ITSN1: variants seen among roughly 807,000 people sequenced by gnomAD.
ITSN1 encodes the protein intersectin 1.
Under a neutral mutation model 239.8 loss-of-function variants are expected in ITSN1, and 58 were observed. That is an observed-to-expected ratio of 0.24 (90% confidence interval 0.20 to 0.30). The LOEUF is 0.30. ITSN1 is among the 10% of genes least tolerant of loss of function. The probability of loss-of-function intolerance (pLI) is 1.00; values close to 1 mark genes in which losing one functional copy is unlikely to be tolerated. For synonymous variants in ITSN1, 780 were observed against 770.8 expected (o/e 1.01, Z -0.20); for missense variants, 1,558 against 2,103.3 (o/e 0.74, Z 5.07).
chr21:33,851,749 GT>G (rs1208835777), intron 29 of ITSN1, among the ~76,000 whole-genome samples: 2 of 93,270 alleles, frequency 2.1e-5, no homozygotes, highest in African/African-American at 4.1e-5. Flanking sequence ...TTTTTTTCTC[GT>G]TTTTTTTCTT....
At chr21:33,651,324 A>G (rs2088511816) in intron 1 of ITSN1, among the ~76,000 whole-genome samples, 1 of 152,180 alleles carries the variant, frequency 6.6e-6, no homozygotes, top group African/African-American at 2.4e-5. Flanking sequence ...TCTCCTTCTG[A>G]GTATCATGTG....
In ITSN1 at chr21:33,779,157, G is replaced by A. The variant is rs187258231; in HGVS notation, c.1597-2304G>A. Among the ~76,000 whole-genome samples the A allele has an allele frequency of 8.3e-4, 122 of 146,228 alleles. 1 individual carries two copies. Among genetic ancestry groups the A allele is most frequent in the Admixed American group, 7.4e-3 (109 of 14,804 alleles). Reference sequence around the variant, plus strand: ...CCTTGGCTTTATTGATTTTCTCTGTGGTATGTCTGTTTTCTGCTTTATTTT... The same window carrying A: ...CCTTGGCTTTATTGATTTTCTCTGTAGTATGTCTGTTTTCTGCTTTATTTT... On this transcript the variant is annotated intron_variant, in intron 14 of 39. Transcript: ENST00000381318.
chr21:33,850,054 A>G (rs2075109514), intron 29 of ITSN1, among the ~76,000 whole-genome samples: 1 of 152,222 alleles, frequency 6.6e-6, no homozygotes, highest in East Asian at 1.9e-4. Flanking sequence ...AGTGCCCATT[A>G]TGAAGCTATG....
chr21:33,693,822 TTA>T (rs1198055944), intron 1 of ITSN1, among the ~76,000 whole-genome samples: 1 of 152,212 alleles, frequency 6.6e-6, no homozygotes, highest in Non-Finnish European at 1.5e-5. Context: ...GGGCACAGGG[TTA>T]TCTTATCTGA....
intron 24 of ITSN1, among the ~76,000 whole-genome samples, chr21:33,819,989 A>C (rs917733243): frequency 5.3e-5 from 8 of 152,176 alleles, no homozygotes; most frequent in Non-Finnish European, 1.2e-4. Flanking sequence ...ACTCCGTCTC[A>C]AAAAAATAAA....
intron 27 of ITSN1, 61 bp from the exon 28 acceptor site, chr21:33,834,246 G>A: frequency 1.7e-6 from 2 of 1,182,792 alleles, no homozygotes; most frequent in Admixed American, 1.7e-5. Context: ...CTGTTATAAA[G>A]TGAGCTGTAT....
intron 4 of ITSN1, among the ~76,000 whole-genome samples, chr21:33,726,673 C>T (rs1569033887): frequency 6.6e-6 from 1 of 151,988 alleles, no homozygotes; most frequent in Non-Finnish European, 1.5e-5. Context: ...AGGCATACAC[C>T]ACCATGCCTG....
At chr21:33,802,776 A>C (rs1483303769) in intron 20 of ITSN1, among the ~76,000 whole-genome samples, 1 of 152,248 alleles carries the variant, frequency 6.6e-6, no homozygotes, top group African/African-American at 2.4e-5. Flanking sequence ...TTCTGGGAAA[A>C]AAATTTTTTT....
chr21:33,837,751 A>G (rs1602542466), intron 29 of ITSN1: 1 of 985,746 alleles, frequency 1.0e-6, no homozygotes, highest in East Asian at 1.1e-4. Flanking sequence ...TTGCACAGTG[A>G]CCTTGTAGCC....
rs573014879 is a variant in ITSN1, at chr21:33,885,497, C to T, written c.4818C>T (p.Ile1606=). ...TGATGGTGAACGTGGTTGAAGGCAT[C>T]GAGTTGAAACCCTGTCGGTCACATG... ...GRLMVNVVEG[I]ELKPCRSHGK... Residue 1606 remains isoleucine, a synonymous_variant, in exon 38 of 40, where the codon ATC becomes ATT. Coordinates refer to ENST00000381318, the MANE Select transcript of ITSN1 (RefSeq NM_003024.3). The T allele has an allele frequency of 2.4e-5, 38 of 1,614,072 alleles. No homozygotes were observed. The East Asian group carries it at 5.6e-4, about 24-fold the overall frequency.
intron 1 of ITSN1, among the ~76,000 whole-genome samples, chr21:33,659,356 C>G (rs1229844039): frequency 1.3e-4 from 20 of 152,050 alleles, no homozygotes; most frequent in Admixed American, 1.3e-3. Flanking sequence ...GTGAGTTGTT[C>G]TAGTCAATTA....
intron 1 of ITSN1, among the ~76,000 whole-genome samples, chr21:33,708,450 G>A (rs149307759): frequency 1.6e-3 from 243 of 151,800 alleles, no homozygotes; most frequent in African/African-American, 5.7e-3. Context: ...GTGCAATGGC[G>A]CGATCTCGGC....
chr21:33,840,838 A>G (rs1227880039), intron 29 of ITSN1, among the ~76,000 whole-genome samples: 1 of 152,202 alleles, frequency 6.6e-6, no homozygotes, highest in Non-Finnish European at 1.5e-5. Flanking sequence ...AAATCATTTA[A>G]TTTCATATTG....
intron 1 of ITSN1, among the ~76,000 whole-genome samples, chr21:33,696,152 GT>G (rs1231311752): frequency 6.6e-6 from 1 of 152,204 alleles, no homozygotes; most frequent in Non-Finnish European, 1.5e-5. Context: ...GTGATACCCA[GT>G]GACTTTTCAT....
At chr21:33,732,647 T>C (rs1386477051) in intron 4 of ITSN1, among the ~76,000 whole-genome samples, 1 of 152,212 alleles carries the variant, frequency 6.6e-6, no homozygotes, top group Non-Finnish European at 1.5e-5. Context: ...ATGCTCATTT[T>C]TTTCTAGTTA....
At chr21:33,666,901 A>G (rs970084118) in intron 1 of ITSN1, among the ~76,000 whole-genome samples, 6 of 152,162 alleles carry the variant, frequency 3.9e-5, no homozygotes, top group African/African-American at 1.4e-4. Context: ...TCTGGGCACA[A>G]GTGATCCTCC....
rs772777126 is a variant in ITSN1 at position 33,888,153 on chromosome 21, T to C, written c.5019T>C (p.Asp1673=). The change falls in exon 40 of 40, where the codon GAT becomes GAC. Residue 1673 remains aspartate, a splice_region_variant and synonymous_variant. Transcript: ENST00000381318. ...VFERDQFSPD[D]FLGRTEIRVA... ...AGGGTCTGTTTGTTCTCTTTTCAGA[T>C]TTTTTGGGTCGGACGGAGATCCGTG... 1 of 1,613,752 alleles carries C rather than the reference T, an allele frequency of 6.2e-7. No homozygotes were observed. Among genetic ancestry groups the C allele is most frequent in the Non-Finnish European group, 8.5e-7 (1 of 1,179,778 alleles).
rs530455353 is a variant in ITSN1, at chr21:33,735,011, C to T, written c.186-33C>T. On this transcript the variant is annotated intron_variant, in intron 4 of 39. Coordinates refer to ENST00000381318, the MANE Select transcript of ITSN1 (RefSeq NM_003024.3). ...TTTTGGAAAGGTTCTTTTATGGTCA[C>T]AGTTGTTCTCAGGCCATGCTGTTGG... The T allele has an allele frequency of 7.2e-5, 114 of 1,580,696 alleles. 1 individual carries two copies. The East Asian group carries it at 2.4e-3, about 34-fold the overall frequency.
intron 24 of ITSN1, among the ~76,000 whole-genome samples, 177 bp from the exon 25 acceptor site, chr21:33,823,310 A>G (rs1183207503): frequency 6.6e-6 from 1 of 152,168 alleles, no homozygotes; most frequent in Non-Finnish European, 1.5e-5. Context: ...TTTTATGTGC[A>G]CTGGGGGAAT....
Sources: allele counts gnomAD v4.1 joint callset (sites outside exome capture counted in the v4.1 genomes callset), GRCh38; gene constraint gnomAD v4.1.1; transcripts MANE v1.5; gene names NCBI Gene and HGNC (gene_info 2026-07-23, HGNC 2026-07-21).